Variants in TADA2A observed in about 807,000 individuals in gnomAD.
TADA2A encodes the protein transcriptional adaptor 2A.
TADA2A carries 38 observed loss-of-function variants against 67.4 expected under a neutral mutation model. The ratio of observed to expected loss-of-function variants is 0.56; its 90% CI spans 0.44 to 0.74. TADA2A has a LOEUF of 0.74. Ranked by LOEUF, TADA2A falls within the 30% of genes least tolerant of loss-of-function variation. TADA2A has a pLI of 0.00. For missense variants in TADA2A, 454 were observed against 547.0 expected (o/e 0.83, Z 1.70); for synonymous variants, 192 against 181.6 (o/e 1.06, Z -0.46).
intron 14 of TADA2A, among the ~76,000 whole-genome samples, chr17:37,471,863 A>G (rs1049608280): frequency 3.3e-5 from 5 of 152,188 alleles, no homozygotes; most frequent in Admixed American, 1.3e-4. Flanking sequence ...CCAGAAACAT[A>G]AGGATTTCTG....
chr17:37,455,796 A>C (rs1338777884), intron 8 of TADA2A, among the ~76,000 whole-genome samples: 2 of 152,112 alleles, frequency 1.3e-5, no homozygotes, highest in Non-Finnish European at 2.9e-5. Context: ...CCTACTTAAT[A>C]CTCTGGAACC....
intron 8 of TADA2A, among the ~76,000 whole-genome samples, chr17:37,453,478 T>C (rs867261736): frequency 1.3e-5 from 2 of 152,196 alleles, no homozygotes; most frequent in South Asian, 2.1e-4. Flanking sequence ...GGACTACTTC[T>C]GGGAAAGGCA....
At chr17:37,455,139 A>G (rs1285185630) in intron 8 of TADA2A, among the ~76,000 whole-genome samples, 2 of 152,224 alleles carry the variant, frequency 1.3e-5, no homozygotes, top group African/African-American at 4.8e-5. Flanking sequence ...TTGATAACTT[A>G]TTAAGAAAAT....
intron 14 of TADA2A, 77 bp from the exon 15 acceptor site, chr17:37,474,479 C>G (rs1465105113): frequency 6.9e-7 from 1 of 1,442,198 alleles, no homozygotes; most frequent in African/African-American, 1.4e-5. Context: ...CCTGGCTGCA[C>G]TGAACTTTTT....
At chr17:37,467,556 G>GCCCTCA in intron 12 of TADA2A, 31 bp downstream of exon 12, 1 of 1,555,768 alleles carries the variant, frequency 6.4e-7, no homozygotes, top group Non-Finnish European at 8.8e-7. Flanking sequence ...TACCGTACTT[G>GCCCTCA]AGGGCAAGTA....
At chr17:37,452,316 T>C (rs1395746679) in intron 8 of TADA2A, among the ~76,000 whole-genome samples, 2 of 152,046 alleles carry the variant, frequency 1.3e-5, no homozygotes, top group Non-Finnish European at 2.9e-5. Flanking sequence ...GGCAGGAGAA[T>C]GGCTTGAACC....
chr17:37,468,309 T>C (rs2053711552), intron 12 of TADA2A, among the ~76,000 whole-genome samples: 1 of 152,160 alleles, frequency 6.6e-6, no homozygotes, highest in Admixed American at 6.6e-5. Flanking sequence ...ATCAAGTCAA[T>C]GAATTCTCAT....
chr17:37,467,168 A>C (rs1321347921), intron 11 of TADA2A, among the ~76,000 whole-genome samples: 2 of 152,174 alleles, frequency 1.3e-5, no homozygotes, highest in Admixed American at 6.5e-5. Flanking sequence ...AAGAAAAAAA[A>C]AATTGTTACT....
At chr17:37,419,543 C>T (rs77263012) in intron 2 of TADA2A, among the ~76,000 whole-genome samples, 12,844 of 146,334 alleles carry the variant, frequency 0.088, 1,980 homozygotes, top group Middle Eastern at 0.21. Flanking sequence ...CTTTGGGAGG[C>T]TACGCCAGGT....
chr17:37,419,168 A>G (rs991797260), intron 2 of TADA2A, among the ~76,000 whole-genome samples: 1 of 145,424 alleles, frequency 6.9e-6, no homozygotes, highest in African/African-American at 2.5e-5. Flanking sequence ...TTACAAAGTA[A>G]TTGCTTTTTT....
intron 2 of TADA2A, among the ~76,000 whole-genome samples, chr17:37,418,661 G>A (rs1308427003): frequency 3.3e-5 from 5 of 150,750 alleles, no homozygotes. Flanking sequence ...GCGTGATCTC[G>A]GCTCACTGCA....
chr17:37,417,532 T>C (rs926956143), intron 2 of TADA2A, among the ~76,000 whole-genome samples: 1 of 152,006 alleles, frequency 6.6e-6, no homozygotes, highest in African/African-American at 2.4e-5. Context: ...TGTCTACATA[T>C]GTGATTTCTT....
At chr17:37,441,170 A>G (rs1187489044) in intron 6 of TADA2A, among the ~76,000 whole-genome samples, 5 of 152,180 alleles carry the variant, frequency 3.3e-5, no homozygotes, top group Non-Finnish European at 5.9e-5. Flanking sequence ...AGAGTTCTAT[A>G]CAGGACATCA....
At chr17:37,453,762 T>A (rs1275180523) in intron 8 of TADA2A, among the ~76,000 whole-genome samples, 3 of 47,662 alleles carry the variant, frequency 6.3e-5, no homozygotes, top group Non-Finnish European at 1.2e-4. Context: ...ATAACTGATT[T>A]TTTTTTTTTT....
intron 4 of TADA2A, among the ~76,000 whole-genome samples, chr17:37,431,558 C>T (rs2052567967): frequency 6.7e-6 from 1 of 149,744 alleles, no homozygotes; most frequent in Admixed American, 6.8e-5. Context: ...TCTAAACCAT[C>T]ACCTTTTCTT....
Position 37,411,400 on chromosome 17 carries a change from G to A in TADA2A, c.25+10G>A, listed in dbSNP as rs754845402. 16 of 1,612,304 alleles carry A rather than the reference G, an allele frequency of 9.9e-6. No individual in the cohort carries two copies. Among genetic ancestry groups the A allele is most frequent in the South Asian group, 9.9e-5 (9 of 91,004 alleles). ...TTGGGTTCCTTTAGCAGTAAGTACA[G>A]TGGGAACAAGTCTCAGGTGACTTAT... On this transcript the variant is annotated intron_variant, in intron 2 of 15. Transcript: ENST00000615182.
intron 9 of TADA2A, 50 bp downstream of exon 9, chr17:37,458,637 TTGTGTGTGTGTG>T (rs55935249): frequency 5.4e-5 from 53 of 981,430 alleles, no homozygotes; most frequent in East Asian, 1.5e-4. Flanking sequence ...GATTATTGTT[TTGTGTGTGTGTG>T]TGTGTGTGTG....
chr17:37,410,876 T>A (rs2051843768), intron 1 of TADA2A, among the ~76,000 whole-genome samples: 1 of 152,142 alleles, frequency 6.6e-6, no homozygotes, highest in African/African-American at 2.4e-5. Flanking sequence ...CAAATAAAGA[T>A]GGCAGCTAAG....
At chr17:37,437,965 T>C (rs535341135) in intron 5 of TADA2A, 136 bp downstream of exon 5, 1 of 755,464 alleles carries the variant, frequency 1.3e-6, no homozygotes, top group Non-Finnish European at 2.2e-6. Flanking sequence ...AGAGGCAAGT[T>C]AGTCCCCTCT....
Sources: allele counts gnomAD v4.1 joint callset (sites outside exome capture counted in the v4.1 genomes callset), GRCh38; gene constraint gnomAD v4.1.1; transcripts MANE v1.5; gene names NCBI Gene and HGNC (gene_info 2026-07-23, HGNC 2026-07-21).